Variants in CORO2B observed in about 807,000 individuals in gnomAD.
The protein encoded by CORO2B is coronin 2B, also known as coronin-2B.
In CORO2B, 26 loss-of-function variants were observed where a neutral mutation model predicts 58.8. That is an observed-to-expected ratio of 0.44 (90% CI 0.32 to 0.61). The LOEUF (loss-of-function observed/expected upper bound fraction) is 0.61, where lower values mean the gene tolerates loss of function less well. Ranked by LOEUF, CORO2B falls within the 20% of genes least tolerant of loss-of-function variation. CORO2B has a pLI of 0.04. For synonymous variants in CORO2B, 242 were observed against 253.8 expected (o/e 0.95, Z 0.44); for missense variants, 460 against 645.1 (o/e 0.71, Z 3.11).
Position 68,725,834 on chromosome 15 carries a change from C to G in CORO2B, c.1312-9C>G. The G allele has an allele frequency of 6.2e-7, 1 of 1,613,428 alleles. No individual in the cohort carries two copies. Among genetic ancestry groups the G allele is most frequent in the African/African-American group, 1.3e-5 (1 of 75,026 alleles). The stretch of plus-strand genomic sequence containing the variant: ...GCCCTCCTTGGCCCCCTCTCTTCCT[C>G]CACCCCAGCTCCTTCGAATGTTCTT... On this transcript the variant is annotated splice_polypyrimidine_tract_variant and intron_variant, in intron 11 of 11. Coordinates refer to ENST00000261861, the MANE Select transcript of CORO2B (RefSeq NM_006091.5).
At chr15:68,681,306 G>A (rs1902773347) in intron 2 of CORO2B, among the ~76,000 whole-genome samples, 1 of 152,090 alleles carries the variant, frequency 6.6e-6, no homozygotes, top group African/African-American at 2.4e-5. Context: ...GTGGGAGCAG[G>A]AGTTGGGGCG....
the CORO2B span, among the ~76,000 whole-genome samples, chr15:68,572,630 A>G: frequency 2.0e-5 from 3 of 152,122 alleles, no homozygotes; most frequent in African/African-American, 4.8e-5. Flanking sequence ...AGGTTTCTGA[A>G]TCAATCTGCC....
chr15:68,602,464 G>A (rs1900009837), intron 1 of CORO2B, among the ~76,000 whole-genome samples: 1 of 148,866 alleles, frequency 6.7e-6, no homozygotes, highest in African/African-American at 2.5e-5. Context: ...TTACCTACAT[G>A]TTGTAATTCA....
chr15:68,539,127 C>T, the CORO2B span, among the ~76,000 whole-genome samples: 14 of 152,138 alleles, frequency 9.2e-5, no homozygotes, highest in Admixed American at 8.5e-4. Context: ...AAAGGCTAGC[C>T]ACAAGACAGC....
the CORO2B span, among the ~76,000 whole-genome samples, chr15:68,533,470 A>T: frequency 2.0e-5 from 3 of 152,342 alleles, no homozygotes; most frequent in East Asian, 5.8e-4. Context: ...ATAAACAGAT[A>T]AACCTGACCA....
In CORO2B at chr15:68,725,891, G is replaced by A. The variant is rs1208432203; in HGVS notation, c.1360G>A (p.Glu454Lys). The change falls in exon 12 of 12, where the codon GAG (glutamate) becomes AAG (lysine). Residue 454 changes from glutamate to lysine, a missense_variant. Around this residue, in one of 2 missense-constraint regions of CORO2B, gnomAD observed 108 missense variants for 102.1 expected, o/e 1.06. Transcript: ENST00000261861. ...GCAGGATGAGATTCGACGGTTGAAA[G>A]AGGAGCTGGCCCAGAAGGACATCCG... ...RQQDEIRRLK[E>K]ELAQKDIRIR... The A allele has an allele frequency of 6.2e-7, 1 of 1,613,976 alleles. No individual in the cohort carries two copies. The highest frequency in any genetic ancestry group is 8.5e-7 in the Non-Finnish European group (1 of 1,180,032).
At chr15:68,547,738 T>G in the CORO2B span, among the ~76,000 whole-genome samples, 1 of 152,198 alleles carries the variant, frequency 6.6e-6, no homozygotes, top group Non-Finnish European at 1.5e-5. Context: ...GCATGACAAA[T>G]TTGGTATTTA....
chr15:68,680,976 G>A (rs538580087), intron 2 of CORO2B, among the ~76,000 whole-genome samples: 1 of 152,318 alleles, frequency 6.6e-6, no homozygotes, highest in East Asian at 1.9e-4. Context: ...CACTTTGGGA[G>A]GCTGAGGTAG....
the CORO2B span, among the ~76,000 whole-genome samples, chr15:68,549,085 T>C: frequency 6.6e-6 from 1 of 152,224 alleles, no homozygotes; most frequent in East Asian, 1.9e-4. Context: ...AATTTTTTTC[T>C]TATTACGTGA....
At position 68,579,050 on chromosome 15, in the gene CORO2B, G is replaced by A; in HGVS notation, c.-213G>A. 3.0e-6 allele frequency: 3 copies of A among 984,484 alleles called. No individual in the cohort carries two copies. The highest frequency in any genetic ancestry group is 3.6e-6 in the Non-Finnish European group (3 of 829,650). The allele number at this position is 984,484 out of a possible 1,614,324, so 61.0% of individuals were successfully genotyped here. A position where few individuals can be genotyped will look rare whatever the true frequency, so the allele number is the denominator to read the frequency against. On this transcript the variant is annotated 5_prime_UTR_variant, in exon 1 of 12. Transcript: ENST00000261861. ...CTCATCTATTATAAATGCACATTCG[G>A]GGCTGACATCAGCGACGAGCGGCGG...
chr15:68,652,384 A>G (rs1162022335), intron 2 of CORO2B, among the ~76,000 whole-genome samples: 2 of 152,214 alleles, frequency 1.3e-5, no homozygotes, highest in African/African-American at 4.8e-5. Context: ...TGTGCCCAGC[A>G]GCCTGATTAA....
rs531325597 is a variant in CORO2B, at chr15:68,647,147, A to G, written c.216+1787A>G. Reference sequence around the variant, plus strand: ...AAATAAGAAAAGCTACATGTGTATTAGAGGAAAATGGAGTGCATGTTTAAA... The same window carrying G: ...AAATAAGAAAAGCTACATGTGTATTGGAGGAAAATGGAGTGCATGTTTAAA... On this transcript the variant is annotated intron_variant, in intron 2 of 11. Transcript: ENST00000261861. Among the ~76,000 whole-genome samples, 5 of 152,376 alleles carry G rather than the reference A, an allele frequency of 3.3e-5. No individual in the cohort carries two copies. The South Asian group carries it at 6.2e-4, about 19-fold the overall frequency.
chr15:68,717,764 C>A (rs1324331320), intron 8 of CORO2B, among the ~76,000 whole-genome samples: 4 of 152,228 alleles, frequency 2.6e-5, no homozygotes. Context: ...CCTCCAGCTC[C>A]TGGAATTCCT....
intron 8 of CORO2B, among the ~76,000 whole-genome samples, chr15:68,718,110 T>C (rs1258326000): frequency 6.6e-6 from 1 of 152,172 alleles, no homozygotes; most frequent in African/African-American, 2.4e-5. Context: ...TGATAGACGT[T>C]CAGCAGAGGC....
the CORO2B span, among the ~76,000 whole-genome samples, chr15:68,564,406 C>T: frequency 1.3e-4 from 19 of 151,894 alleles, no homozygotes; most frequent in Non-Finnish European, 2.6e-4. Flanking sequence ...TGGGCTCAAG[C>T]GATCCTCCCC....
intron 11 of CORO2B, among the ~76,000 whole-genome samples, chr15:68,725,616 G>A (rs531397136): frequency 3.9e-5 from 6 of 152,168 alleles, no homozygotes; most frequent in African/African-American, 1.2e-4. Context: ...AATTAATGAC[G>A]CAGGTTTTGT....
chr15:68,598,943 G>A (rs140802722), intron 1 of CORO2B, among the ~76,000 whole-genome samples: 1 of 152,294 alleles, frequency 6.6e-6, no homozygotes, highest in Non-Finnish European at 1.5e-5. Flanking sequence ...GAGCTGGTCT[G>A]GACTAGGAGA....
intron 1 of CORO2B, among the ~76,000 whole-genome samples, chr15:68,603,446 G>A (rs532549287): frequency 1.2e-4 from 18 of 152,164 alleles, no homozygotes; most frequent in Non-Finnish European, 2.5e-4. Context: ...GCAACAGTGC[G>A]AGGTCATCAG....
chr15:68,628,209 C>G (rs903308962), intron 1 of CORO2B, among the ~76,000 whole-genome samples: 1 of 152,234 alleles, frequency 6.6e-6, no homozygotes, highest in African/African-American at 2.4e-5. Context: ...GCAGGCATGA[C>G]CTCATTTAAT....
Sources: gnomAD v4.1 joint callset for allele counts (sites outside exome capture counted in the v4.1 genomes callset) on GRCh38, gnomAD v4.1.1 for gene constraint, gnomAD v4.1.1 regional missense constraint, MANE v1.5 for transcripts, NCBI Gene and HGNC (gene_info 2026-07-23, HGNC 2026-07-21) for gene names.